MARCHF1: variants seen among roughly 807,000 people sequenced by gnomAD.
MARCHF1 encodes membrane associated ring-CH-type finger 1.
A neutral mutation model predicts 54.2 loss-of-function variants in MARCHF1; 40 were observed. That is an observed-to-expected ratio of 0.74 (90% CI 0.57 to 0.96). The LOEUF (loss-of-function observed/expected upper bound fraction) is 0.96. MARCHF1 is among the 40% of genes least tolerant of loss of function. MARCHF1 has a pLI of 0.00. For synonymous variants in MARCHF1, 236 were observed against 236.3 expected, an observed-to-expected ratio of 1.00 and a Z score of 0.01; for missense variants, 586 against 656.5, an observed-to-expected ratio of 0.89 and a Z score of 1.17.
chr4:164,020,653 T>C (rs894589618), intron 2 of MARCHF1, among the ~76,000 whole-genome samples: 2 of 152,200 alleles, frequency 1.3e-5, no homozygotes, highest in African/African-American at 4.8e-5. Context: ...CAGGTAGGGC[T>C]GGGTGCCATG....
chr4:163,930,791 G>A (rs1441459677), intron 3 of MARCHF1, among the ~76,000 whole-genome samples: 5 of 152,056 alleles, frequency 3.3e-5, no homozygotes, highest in African/African-American at 4.8e-5. Context: ...TTTTTAAGAT[G>A]AGACTTGACT....
In MARCHF1 at chr4:163,528,755, G is replaced by C; in HGVS notation, c.1631C>G (p.Ser544Ter). 1.2e-6 allele frequency: 2 copies of C among 1,609,176 alleles called. No individual in the cohort carries two copies. The highest frequency in any genetic ancestry group is 1.7e-6 in the Non-Finnish European group (2 of 1,177,052). Residue 544 changes from serine (S) to a stop codon, truncating the protein, a stop_gained, in exon 10 of 10, where the codon TCA (serine) becomes TGA (stop). Coordinates refer to ENST00000514618, the MANE Select transcript of MARCHF1 (RefSeq NM_001394959.1). LOFTEE classifies it high-confidence loss of function. Reference sequence around the variant, plus strand: ...AACTCCCAACAGGTTCCATCAGACTGATACAACTTCAGGGGGGCCACCCTC... The same window carrying C: ...AACTCCCAACAGGTTCCATCAGACTCATACAACTTCAGGGGGGCCACCCTC... The part of the protein sequence containing the change: ...SAEGGPPEVV[S>*]V
At chr4:163,724,088 G>C (rs754406690) in intron 4 of MARCHF1, among the ~76,000 whole-genome samples, 12 of 152,176 alleles carry the variant, frequency 7.9e-5, no homozygotes, top group Non-Finnish European at 1.6e-4. Flanking sequence ...CCTTTGGAGG[G>C]GGAGAGGTAC....
Position 163,798,891 on chromosome 4 carries a change from A to G in MARCHF1, c.111+55130T>C, listed in dbSNP as rs1351580315. Among the ~76,000 whole-genome samples, 5 of 152,206 alleles carry G rather than the reference A, an allele frequency of 3.3e-5. No individual in the cohort carries two copies. The South Asian group carries it at 1.0e-3, about 32-fold the overall frequency. On this transcript the variant is annotated intron_variant, in intron 4 of 9. Coordinates refer to ENST00000514618, the MANE Select transcript of MARCHF1 (RefSeq NM_001394959.1). ...TTGAGCTACAAGAAGAAAAAGAAGG[A>G]AAGTTACTTATGTATAACTTCTAGC...
At chr4:163,551,972 C>T (rs904878587) in intron 8 of MARCHF1, among the ~76,000 whole-genome samples, 2 of 152,218 alleles carry the variant, frequency 1.3e-5, no homozygotes, top group African/African-American at 4.8e-5. Flanking sequence ...ATATAAGTCC[C>T]TTTACAGATA....
chr4:163,720,456 T>C (rs1243930689), intron 4 of MARCHF1, among the ~76,000 whole-genome samples: 1 of 152,178 alleles, frequency 6.6e-6, no homozygotes, highest in East Asian at 1.9e-4. Context: ...TGAAGTCAGG[T>C]AGTGTGATGC....
intron 1 of MARCHF1, among the ~76,000 whole-genome samples, chr4:164,286,923 T>C (rs1206920838): frequency 6.7e-6 from 1 of 149,868 alleles, no homozygotes; most frequent in Non-Finnish European, 1.5e-5. Flanking sequence ...ATTACATCCA[T>C]GCTGCATGTG....
intron 2 of MARCHF1, among the ~76,000 whole-genome samples, chr4:164,067,906 T>C (rs1172027499): frequency 7.3e-6 from 1 of 136,834 alleles, no homozygotes; most frequent in East Asian, 2.0e-4. Context: ...AAAAAATGGG[T>C]AAACCATATG....
intron 3 of MARCHF1, among the ~76,000 whole-genome samples, chr4:163,978,729 T>G (rs1050911953): frequency 6.6e-6 from 1 of 151,958 alleles, no homozygotes; most frequent in African/African-American, 2.4e-5. Context: ...TTTGTTGTTG[T>G]TGTTGTTTTT....
intron 3 of MARCHF1, among the ~76,000 whole-genome samples, chr4:163,901,532 T>C (rs1454950791): frequency 6.6e-6 from 1 of 152,168 alleles, no homozygotes; most frequent in Non-Finnish European, 1.5e-5. Flanking sequence ...TGAAGCTCTA[T>C]GGAGCACCCA....
At chr4:163,715,668 C>CA (rs951462033) in intron 4 of MARCHF1, among the ~76,000 whole-genome samples, 1 of 151,764 alleles carries the variant, frequency 6.6e-6, no homozygotes, top group African/African-American at 2.4e-5. Context: ...CATACTATGG[C>CA]AAAAAAGATG....
intron 1 of MARCHF1, among the ~76,000 whole-genome samples, chr4:164,165,115 T>C (rs909889271): frequency 1.3e-5 from 2 of 152,106 alleles, no homozygotes; most frequent in African/African-American, 4.8e-5. Context: ...ATAAGAGAGA[T>C]AGAATCTTTG....
intron 3 of MARCHF1, among the ~76,000 whole-genome samples, chr4:163,982,324 G>A (rs1308676139): frequency 6.6e-6 from 1 of 152,172 alleles, no homozygotes; most frequent in Non-Finnish European, 1.5e-5. Flanking sequence ...ATTCACACCT[G>A]CTAAAAATGC....
chr4:163,529,480 C>T lies in MARCHF1; in HGVS notation c.1340-434G>A, dbSNP rs562257409. The stretch of plus-strand genomic sequence containing the variant: ...AGGTACATGTATGGGTTTGTATGTA[C>T]AGGTCTTCCCACCCTCATTTATTTT... On this transcript the variant is annotated intron_variant, in intron 9 of 9. Coordinates refer to ENST00000514618, the MANE Select transcript of MARCHF1 (RefSeq NM_001394959.1). 7.9e-5 allele frequency among the ~76,000 whole-genome samples: 12 copies of T among 152,002 alleles called. No homozygotes were observed. The South Asian group carries it at 1.5e-3, about 18-fold the overall frequency.
At chr4:163,654,067 A>T (rs1020690914) in intron 5 of MARCHF1, among the ~76,000 whole-genome samples, 3 of 151,712 alleles carry the variant, frequency 2.0e-5, no homozygotes, top group African/African-American at 7.2e-5. Context: ...GAGGAAAGTC[A>T]ACAGTGTGAG....
At chr4:164,141,141 C>T (rs553964892) in intron 1 of MARCHF1, among the ~76,000 whole-genome samples, 9 of 152,286 alleles carry the variant, frequency 5.9e-5, no homozygotes, top group East Asian at 1.9e-4. Context: ...TAATCAGCAG[C>T]ACTTCTCCTG....
chr4:163,568,077 A>G (rs1739710308), intron 8 of MARCHF1, among the ~76,000 whole-genome samples: 1 of 152,010 alleles, frequency 6.6e-6, no homozygotes, highest in African/African-American at 2.4e-5. Context: ...TGATCTCATT[A>G]TTGTTGAAGA....
chr4:163,919,362 A>C (rs1560819364), intron 3 of MARCHF1, among the ~76,000 whole-genome samples: 2 of 152,066 alleles, frequency 1.3e-5, no homozygotes, highest in Non-Finnish European at 2.9e-5. Flanking sequence ...ACAAATAAAT[A>C]ATTCATGAAA....
At position 163,729,314 on chromosome 4, in the gene MARCHF1, T is replaced by A. The variant is rs138198835; in HGVS notation, c.112-28451A>T. ...GCCTCATGAAATGAGTTAGGAAGTG[T>A]ACTCTCTACTTCTATCTCCTGGAAG... On this transcript the variant is annotated intron_variant, in intron 4 of 9. Coordinates refer to ENST00000514618, the MANE Select transcript of MARCHF1 (RefSeq NM_001394959.1). 1.4e-3 allele frequency among the ~76,000 whole-genome samples: 217 copies of A among 152,238 alleles called. 1 individual carries two copies. The highest frequency in any genetic ancestry group is 5.1e-3 in the African/African-American group (210 of 41,578).
Sources: allele counts gnomAD v4.1 joint callset (sites outside exome capture counted in the v4.1 genomes callset), GRCh38; gene constraint gnomAD v4.1.1; transcripts MANE v1.5; gene names NCBI Gene and HGNC (gene_info 2026-07-23, HGNC 2026-07-21).